PTPRD: variants seen among roughly 807,000 people sequenced by gnomAD.
PTPRD encodes protein tyrosine phosphatase receptor type D.
A neutral mutation model predicts 214.5 loss-of-function variants in PTPRD; 34 were observed. The observed-to-expected ratio is 0.16, with a 90% CI of 0.12 to 0.21. PTPRD has a LOEUF of 0.21. PTPRD is among the 10% of genes least tolerant of loss of function. The pLI, the probability that PTPRD is intolerant of heterozygous loss-of-function variation, is 1.00. For synonymous variants in PTPRD, 1,128 were observed against 845.7 expected (o/e 1.33, Z -5.79); for missense variants, 2,545 against 2,398.7 (o/e 1.06, Z -1.27).
At chr9:10,250,116 T>C (rs1362911113) in intron 3 of PTPRD, among the ~76,000 whole-genome samples, 1 of 152,182 alleles carries the variant, frequency 6.6e-6, no homozygotes, top group Non-Finnish European at 1.5e-5. Flanking sequence ...TTAGTATGTA[T>C]TATCTGAGGA....
chr9:9,067,889 T>G (rs1001100320), intron 10 of PTPRD, among the ~76,000 whole-genome samples: 1 of 152,178 alleles, frequency 6.6e-6, no homozygotes, highest in Admixed American at 6.5e-5. Context: ...CATGTAGATT[T>G]GTGTATTTAA....
intron 11 of PTPRD, among the ~76,000 whole-genome samples, chr9:8,973,241 C>T (rs953965109): frequency 6.6e-6 from 1 of 151,822 alleles, no homozygotes; most frequent in African/African-American, 2.4e-5. Context: ...AATCAACTGC[C>T]AAGTCTATTT....
intron 39 of PTPRD, among the ~76,000 whole-genome samples, chr9:8,357,763 C>A (rs2077344073): frequency 6.6e-6 from 1 of 152,114 alleles, no homozygotes; most frequent in Non-Finnish European, 1.5e-5. Flanking sequence ...ATGCTTATTA[C>A]CCTGATAATT....
At chr9:10,464,802 A>T (rs2098982756) in intron 2 of PTPRD, among the ~76,000 whole-genome samples, 2 of 152,158 alleles carry the variant, frequency 1.3e-5, no homozygotes, top group African/African-American at 4.8e-5. Flanking sequence ...TAGGCTAAAA[A>T]CATTAAATTG....
intron 8 of PTPRD, among the ~76,000 whole-genome samples, chr9:9,521,310 C>T (rs1274728128): frequency 6.6e-6 from 1 of 152,118 alleles, no homozygotes; most frequent in Non-Finnish European, 1.5e-5. Context: ...GTTTCAGTCC[C>T]TACTTCTTAC....
chr9:8,479,581 A>G (rs1158772661), intron 30 of PTPRD, among the ~76,000 whole-genome samples: 1 of 152,220 alleles, frequency 6.6e-6, no homozygotes, highest in Non-Finnish European at 1.5e-5. Flanking sequence ...GGTAGAAAAC[A>G]TTCTGCAATA....
chr9:8,373,921 C>T (rs2381739), intron 39 of PTPRD, among the ~76,000 whole-genome samples: 2,698 of 98,892 alleles, frequency 0.027, 62 homozygotes, highest in Admixed American at 0.078. Context: ...TATCTACCTA[C>T]CTACCTATCT....
In PTPRD at chr9:8,317,822, T is replaced by G. The variant is rs960487289; in HGVS notation, c.*52A>C. ...GTGCCCTGTATGGCTCAGAAGAGAC[T>G]CCATGGATATTGAAGGGCCTGTAGT... On this transcript the variant is annotated 3_prime_UTR_variant, in exon 46 of 46. Transcript: ENST00000381196. The G allele has an allele frequency of 1.3e-6, 2 of 1,541,692 alleles. No individual in the cohort carries two copies. Among genetic ancestry groups the G allele is most frequent in the Non-Finnish European group, 1.8e-6 (2 of 1,115,184 alleles).
intron 2 of PTPRD, among the ~76,000 whole-genome samples, chr9:10,449,363 T>G (rs1034052052): frequency 6.6e-6 from 1 of 151,762 alleles, no homozygotes; most frequent in Non-Finnish European, 1.5e-5. Flanking sequence ...CAGGCTGGAG[T>G]GCAGTGGCGT....
At chr9:8,640,321 C>G (rs1356254088) in intron 12 of PTPRD, among the ~76,000 whole-genome samples, 1 of 151,904 alleles carries the variant, frequency 6.6e-6, no homozygotes, top group Non-Finnish European at 1.5e-5. Flanking sequence ...TGCACTACAA[C>G]CTGGGTGACA....
At chr9:8,837,079 G>A (rs972106962) in intron 11 of PTPRD, among the ~76,000 whole-genome samples, 4 of 146,068 alleles carry the variant, frequency 2.7e-5, no homozygotes, top group African/African-American at 7.6e-5. Context: ...AGGCTGGAGT[G>A]CAGTGGTACG....
chr9:8,915,481 ATG>A (rs147012909), intron 11 of PTPRD, among the ~76,000 whole-genome samples: 81 of 151,970 alleles, frequency 5.3e-4, no homozygotes, highest in African/African-American at 1.6e-3. Context: ...ACAATGTGAT[ATG>A]TGTGTGTGTG....
chr9:8,824,290 C>G (rs912990197), intron 11 of PTPRD, among the ~76,000 whole-genome samples: 11 of 152,146 alleles, frequency 7.2e-5, no homozygotes, highest in Non-Finnish European at 1.3e-4. Context: ...CATTTCCCCT[C>G]TCCCTTTTAT....
intron 9 of PTPRD, among the ~76,000 whole-genome samples, chr9:9,304,776 A>T (rs934422744): frequency 1.3e-5 from 2 of 151,470 alleles, no homozygotes; most frequent in Non-Finnish European, 2.9e-5. Context: ...CCTAATGGAA[A>T]GGAAAAAGAG....
Position 8,523,281 on chromosome 9 carries a change from C to A in PTPRD, c.691+232G>T, listed in dbSNP as rs573141903. ...CACTGACCAAGTTCACTGGACCTTACAGAGTTAAGTGTTACCAGTTACCAT... is the reference window on the plus strand; with the variant it reads ...CACTGACCAAGTTCACTGGACCTTAAAGAGTTAAGTGTTACCAGTTACCAT... On this transcript the variant is annotated intron_variant, in intron 19 of 45. Coordinates refer to ENST00000381196, the MANE Select transcript of PTPRD (RefSeq NM_002839.4). 5.3e-5 allele frequency among the ~76,000 whole-genome samples: 8 copies of A among 152,170 alleles called. No homozygotes were observed. The South Asian group carries it at 1.7e-3, about 32-fold the overall frequency.
intron 8 of PTPRD, among the ~76,000 whole-genome samples, chr9:9,535,425 T>C (rs551338980): frequency 6.6e-6 from 1 of 152,078 alleles, no homozygotes; most frequent in Non-Finnish European, 1.5e-5. Context: ...CATCTTCAAT[T>C]TGAATGTTAG....
intron 11 of PTPRD, among the ~76,000 whole-genome samples, chr9:8,736,540 C>CAGAT (rs1406912396): frequency 6.6e-6 from 1 of 152,064 alleles, no homozygotes; most frequent in Non-Finnish European, 1.5e-5. Flanking sequence ...AATTATAATG[C>CAGAT]AGATACCATA....
At chr9:9,793,402 C>T (rs1016258252) in intron 5 of PTPRD, among the ~76,000 whole-genome samples, 2 of 152,040 alleles carry the variant, frequency 1.3e-5, no homozygotes, top group Non-Finnish European at 2.9e-5. Context: ...TCATGATCTT[C>T]TATTATCAGC....
intron 8 of PTPRD, among the ~76,000 whole-genome samples, chr9:9,412,457 TAG>T (rs113924024): frequency 0.068 from 10,290 of 152,156 alleles, 419 homozygotes; most frequent in Middle Eastern, 0.13. Flanking sequence ...TGGGCACAGA[TAG>T]AGACTCTCAT....
Sources: allele counts gnomAD v4.1 joint callset (sites outside exome capture counted in the v4.1 genomes callset), GRCh38; gene constraint gnomAD v4.1.1; transcripts MANE v1.5; gene names NCBI Gene and HGNC (gene_info 2026-07-23, HGNC 2026-07-21).